Variants in MYO10 observed in about 807,000 individuals in gnomAD.
MYO10 encodes unconventional myosin-X.
Under a neutral mutation model 257.3 loss-of-function variants are expected in MYO10, and 133 were observed. The observed-to-expected ratio is 0.52, with a 90% CI of 0.45 to 0.60. The LOEUF (loss-of-function observed/expected upper bound fraction) is 0.60, where lower values mean the gene tolerates loss of function less well. Ranked by LOEUF, MYO10 falls within the 20% of genes least tolerant of loss-of-function variation. MYO10 has a pLI of 0.00. For missense variants in MYO10, 2,399 were observed against 2,635.7 expected (o/e 0.91, Z 1.97); for synonymous variants, 1,104 against 1,028.6 (o/e 1.07, Z -1.40).
intron 1 of MYO10, among the ~76,000 whole-genome samples, chr5:16,906,665 C>T (rs899689089): frequency 6.6e-6 from 1 of 152,142 alleles, no homozygotes; most frequent in African/African-American, 2.4e-5. Context: ...ATGCCTATCT[C>T]GAAGGTCACT....
intron 3 of MYO10, among the ~76,000 whole-genome samples, chr5:16,802,956 T>G (rs184681831): frequency 1.1e-3 from 171 of 149,686 alleles, no homozygotes; most frequent in African/African-American, 4.1e-3. Flanking sequence ...AAAAAAAAAT[T>G]TACCCATGTG....
At chr5:16,674,708 C>T (rs1329912550) in intron 35 of MYO10, 145 bp downstream of exon 35, 4 of 905,680 alleles carry the variant, frequency 4.4e-6, no homozygotes, top group Non-Finnish European at 6.7e-6. Flanking sequence ...TAAGCTTGCT[C>T]AGGCAACCCA....
chr5:16,844,336 G>T (rs191229040), intron 2 of MYO10, among the ~76,000 whole-genome samples: 3 of 151,972 alleles, frequency 2.0e-5, no homozygotes, highest in Non-Finnish European at 4.4e-5. Flanking sequence ...TCCACATCAC[G>T]CATTAACACA....
chr5:16,794,574 A>G, intron 4 of MYO10, 72 bp downstream of exon 4: 1 of 1,396,668 alleles, frequency 7.2e-7, no homozygotes, highest in African/African-American at 1.4e-5. Context: ...TGCCCTAAGG[A>G]GGCTGGGGTT....
At position 16,737,094 on chromosome 5, in the gene MYO10, T is replaced by TA. The variant is rs139988110; in HGVS notation, c.1929+17733dup. 5.0e-3 allele frequency among the ~76,000 whole-genome samples: 764 copies of TA among 152,276 alleles called. 6 individuals are homozygous for TA. Among genetic ancestry groups the TA allele is most frequent in the African/African-American group, 0.017 (709 of 41,568 alleles). On this transcript the variant is annotated intron_variant, in intron 19 of 40. Transcript: ENST00000513610. ...CTTATTTATCTGAAGAGTTCTTTCT[T>TA]AAAAAAATCACTAAATAGGGTCTAA...
intron 2 of MYO10, among the ~76,000 whole-genome samples, chr5:16,859,839 G>A (rs1744060129): frequency 6.6e-6 from 1 of 152,130 alleles, no homozygotes; most frequent in Non-Finnish European, 1.5e-5. Flanking sequence ...CCCCAGAGCT[G>A]TTCACTCCCT....
intron 1 of MYO10, among the ~76,000 whole-genome samples, chr5:16,908,743 A>C (rs1745580656): frequency 6.6e-6 from 1 of 152,232 alleles, no homozygotes; most frequent in Non-Finnish European, 1.5e-5. Context: ...TATTTGTTAC[A>C]ATGCATTTTA....
intron 2 of MYO10, among the ~76,000 whole-genome samples, chr5:16,848,162 T>TTTTTTTTTTTG (rs1743695668): frequency 6.8e-6 from 1 of 147,968 alleles, no homozygotes; most frequent in African/African-American, 2.6e-5. Context: ...TTTCTTTTTT[T>TTTTTTTTTTTG]TTTTTTTTTT....
At position 16,755,885 on chromosome 5, in the gene MYO10, T is replaced by C. The variant is rs534573419; in HGVS notation, c.1849-977A>G. 3.3e-5 allele frequency among the ~76,000 whole-genome samples: 5 copies of C among 152,264 alleles called. No individual in the cohort carries two copies. The South Asian group carries it at 1.0e-3, about 32-fold the overall frequency. On this transcript the variant is annotated intron_variant, in intron 18 of 40. Coordinates refer to ENST00000513610, the MANE Select transcript of MYO10 (RefSeq NM_012334.3). ...AAAGCAAATCCCAGACATGATGTGA[T>C]TTCCTCCAGCAGCATTTCAGTATGT...
intron 24 of MYO10, among the ~76,000 whole-genome samples, chr5:16,702,320 G>C (rs1254230972): frequency 6.6e-6 from 1 of 152,198 alleles, no homozygotes; most frequent in African/African-American, 2.4e-5. Context: ...TGGTTATACC[G>C]ATTTAGAGAA....
chr5:16,906,274 T>C (rs73754035), intron 1 of MYO10, among the ~76,000 whole-genome samples: 3,080 of 152,226 alleles, frequency 0.02, 104 homozygotes, highest in African/African-American at 0.07. Flanking sequence ...GCTCCTAGGA[T>C]GAAAAGAATT....
chr5:16,838,949 T>C (rs1412112770), intron 2 of MYO10, among the ~76,000 whole-genome samples: 1 of 152,194 alleles, frequency 6.6e-6, no homozygotes, highest in African/African-American at 2.4e-5. Context: ...TGAAACCTAC[T>C]GCTCAGAAAA....
At chr5:16,871,793 A>G (rs765420159) in intron 2 of MYO10, among the ~76,000 whole-genome samples, 2 of 152,152 alleles carry the variant, frequency 1.3e-5, no homozygotes, top group Non-Finnish European at 2.9e-5. Flanking sequence ...TGGGCCACTG[A>G]CAGTTCTTGA....
At chr5:16,795,386 C>G (rs1741907207) in intron 3 of MYO10, among the ~76,000 whole-genome samples, 1 of 152,072 alleles carries the variant, frequency 6.6e-6, no homozygotes, top group African/African-American at 2.4e-5. Flanking sequence ...GGCAGATCAC[C>G]TGAGGTCAGG....
At position 16,679,141 on chromosome 5, in the gene MYO10, G is replaced by A. The variant is rs191213053; in HGVS notation, c.4542+806C>T. Among the ~76,000 whole-genome samples the A allele has an allele frequency of 7.7e-4, 117 of 152,320 alleles. 1 individual carries two copies. The highest frequency in any genetic ancestry group is 4.3e-3 in the South Asian group (21 of 4,828). ...CTCAGGAGCTTCTGGAAGTTTGCAC[G>A]TGCCTGAGAGGGATGCCAAGTGTTC... On this transcript the variant is annotated intron_variant, in intron 33 of 40. Coordinates refer to ENST00000513610, the MANE Select transcript of MYO10 (RefSeq NM_012334.3).
intron 2 of MYO10, among the ~76,000 whole-genome samples, chr5:16,835,217 AG>A (rs1743275689): frequency 6.6e-6 from 1 of 152,090 alleles, no homozygotes; most frequent in Non-Finnish European, 1.5e-5. Context: ...ATAACACACA[AG>A]GTATTTATTA....
At position 16,922,045 on chromosome 5, in the gene MYO10, C is replaced by T. The variant is rs939289620; in HGVS notation, c.21+13743G>A. Among the ~76,000 whole-genome samples, 10 of 151,956 alleles carry T rather than the reference C, an allele frequency of 6.6e-5. 1 individual carries two copies. Among genetic ancestry groups the T allele is most frequent in the Admixed American group, 5.3e-4 (8 of 15,226 alleles). On this transcript the variant is annotated intron_variant, in intron 1 of 40. Coordinates refer to ENST00000513610, the MANE Select transcript of MYO10 (RefSeq NM_012334.3). The stretch of plus-strand genomic sequence containing the variant: ...CCCTGGCCAACATGGTAAACCCCAT[C>T]TCTACTAAAAATACAAAAATTAGCC...
At chr5:16,754,014 T>A (rs1470505439) in intron 19 of MYO10, among the ~76,000 whole-genome samples, 1 of 152,080 alleles carries the variant, frequency 6.6e-6, no homozygotes, top group Non-Finnish European at 1.5e-5. Flanking sequence ...TACAATTTAA[T>A]TACATTACAA....
chr5:16,692,926 T>G (rs1300245714), intron 27 of MYO10, among the ~76,000 whole-genome samples: 1 of 152,154 alleles, frequency 6.6e-6, no homozygotes, highest in Admixed American at 6.6e-5. Context: ...TCTGGTGAAA[T>G]TCAATACTAT....
Sources: gnomAD v4.1 joint callset for allele counts (sites outside exome capture counted in the v4.1 genomes callset) on GRCh38, gnomAD v4.1.1 for gene constraint, MANE v1.5 for transcripts, NCBI Gene and HGNC (gene_info 2026-07-23, HGNC 2026-07-21) for gene names.